The following GLI3 variants were observed in gnomAD, a reference collection of about 807,000 sequenced individuals.
GLI3 encodes the protein GLI family zinc finger 3.
Under a neutral mutation model 100.8 loss-of-function variants are expected in GLI3, and 20 were observed. The observed-to-expected ratio is 0.20, with a 90% CI of 0.14 to 0.29. GLI3 has a LOEUF of 0.29. GLI3 is among the 10% of genes least tolerant of loss of function. GLI3 has a pLI of 1.00. For missense variants in GLI3, 2,040 were observed against 2,128.5 expected, an observed-to-expected ratio of 0.96 and a Z score of 0.82; for synonymous variants, 938 against 860.5, an observed-to-expected ratio of 1.09 and a Z score of -1.58.
intron 10 of GLI3, among the ~76,000 whole-genome samples, chr7:41,988,304 A>G (rs995084089): frequency 2.6e-5 from 4 of 152,116 alleles, no homozygotes; most frequent in Admixed American, 2.0e-4. Context: ...TCTACTAAAA[A>G]TGCAAAAAAT....
chr7:42,239,193 A>G (rs1474702162), upstream of GLI3, among the ~76,000 whole-genome samples: 1 of 152,212 alleles, frequency 6.6e-6, no homozygotes, highest in African/African-American at 2.4e-5. Context: ...CCACTGACTC[A>G]TCGCAGAGAG....
intron 3 of GLI3, among the ~76,000 whole-genome samples, chr7:42,080,766 C>T (rs1290895638): frequency 1.3e-5 from 2 of 152,176 alleles, no homozygotes; most frequent in African/African-American, 4.8e-5. Context: ...ACGTTGAGTA[C>T]TTGCCTTGCT....
At chr7:42,237,310 A>G (rs1788828378), upstream of GLI3, among the ~76,000 whole-genome samples, 3 of 151,604 alleles carry the variant, frequency 2.0e-5, no homozygotes. Context: ...CTGACTCACA[A>G]GCCCTGAGTG....
At chr7:42,210,189 T>C (rs1478191917) in intron 2 of GLI3, among the ~76,000 whole-genome samples, 1 of 152,114 alleles carries the variant, frequency 6.6e-6, no homozygotes, top group Non-Finnish European at 1.5e-5. Context: ...TCGTTGTCAC[T>C]GTGGTCAATG....
chr7:42,242,828 A>C (rs981477291), upstream of GLI3, among the ~76,000 whole-genome samples: 4 of 152,230 alleles, frequency 2.6e-5, no homozygotes, highest in Non-Finnish European at 5.9e-5. Context: ...AGGAATTCTT[A>C]TGAGGAATTT....
At chr7:41,994,621 A>G (rs1200653173) in intron 10 of GLI3, among the ~76,000 whole-genome samples, 2 of 152,080 alleles carry the variant, frequency 1.3e-5, no homozygotes, top group Non-Finnish European at 2.9e-5. Context: ...CTCCTGGGGG[A>G]GGGTGACTTT....
chr7:42,093,472 T>C (rs1785272083), intron 3 of GLI3, among the ~76,000 whole-genome samples: 2 of 150,624 alleles, frequency 1.3e-5, no homozygotes, highest in African/African-American at 4.9e-5. Context: ...GTTACCACAA[T>C]CGTAGACAGT....
At chr7:42,094,394 G>A (rs945701372) in intron 3 of GLI3, among the ~76,000 whole-genome samples, 5 of 152,036 alleles carry the variant, frequency 3.3e-5, no homozygotes, top group African/African-American at 7.2e-5. Flanking sequence ...CTTGAGGTCC[G>A]GAGTTCAAGA....
chr7:42,195,575 T>C (rs1312355786), intron 2 of GLI3, among the ~76,000 whole-genome samples: 3 of 152,210 alleles, frequency 2.0e-5, no homozygotes, highest in African/African-American at 7.2e-5. Context: ...CCCAGCTCTG[T>C]TCCCAATGGT....
At chr7:41,995,161 A>C (rs1788090328) in intron 10 of GLI3, among the ~76,000 whole-genome samples, 1 of 152,232 alleles carries the variant, frequency 6.6e-6, no homozygotes, top group Admixed American at 6.5e-5. Flanking sequence ...CAGGTAACAC[A>C]ACTGCAGTAC....
In GLI3 at chr7:42,215,870, T is replaced by TTCAATTC. The variant is rs1554340837; in HGVS notation, c.124+7259_124+7260insGAATTGA. Among the ~76,000 whole-genome samples the TTCAATTC allele has an allele frequency of 4.1e-3, 615 of 151,132 alleles. 8 individuals are homozygous for TTCAATTC. Among genetic ancestry groups the TTCAATTC allele is most frequent in the African/African-American group, 0.014 (590 of 41,372 alleles). ...GTAAGGATCTCCTATTAGCCAATCC[T>TTCAATTC]TCAATCCTCAATCCTCAATTAGCCA... On this transcript the variant is annotated intron_variant, in intron 2 of 14. Transcript: ENST00000395925.
intron 10 of GLI3, among the ~76,000 whole-genome samples, chr7:42,016,638 T>C (rs938989992): frequency 6.6e-6 from 1 of 152,176 alleles, no homozygotes; most frequent in East Asian, 1.9e-4. Context: ...CACTGGGTAA[T>C]GATGGGAAAC....
At chr7:41,992,704 A>G (rs973859033) in intron 10 of GLI3, among the ~76,000 whole-genome samples, 19 of 152,302 alleles carry the variant, frequency 1.2e-4, no homozygotes, top group African/African-American at 4.3e-4. Context: ...AACAAAGGAC[A>G]CAGTAAATGG....
chr7:42,227,324 G>C (rs200411980), intron 1 of GLI3, among the ~76,000 whole-genome samples: 1 of 140,814 alleles, frequency 7.1e-6, no homozygotes, highest in African/African-American at 2.7e-5. Flanking sequence ...GCTCGGTGAA[G>C]AAAAAAAAAA....
intron 4 of GLI3, among the ~76,000 whole-genome samples, chr7:42,062,558 C>T (rs927601701): frequency 7.9e-5 from 12 of 151,112 alleles, no homozygotes; most frequent in Non-Finnish European, 1.3e-4. Context: ...GAGCCACAAG[C>T]TTCAACACTA....
chr7:42,054,026 G>A (rs913500542), intron 4 of GLI3, among the ~76,000 whole-genome samples: 3 of 152,126 alleles, frequency 2.0e-5, no homozygotes. Flanking sequence ...GGCCCTTTAT[G>A]CTGTTTCTAC....
rs571008801 is a variant in GLI3 at position 41,972,087 on chromosome 7, G to A, written c.2103+250C>T. Among the ~76,000 whole-genome samples, 1 of 152,336 alleles carries A rather than the reference G, an allele frequency of 6.6e-6. No individual in the cohort carries two copies. Among genetic ancestry groups the A allele is most frequent in the Admixed American group, 6.5e-5 (1 of 15,304 alleles). ...ACACGCTGGAGAGACAGACAGTCGT[G>A]TCTTTCTTCCTTCCATGGCACAGTG... On this transcript the variant is annotated intron_variant, in intron 13 of 14. Coordinates refer to ENST00000395925, the MANE Select transcript of GLI3 (RefSeq NM_000168.6). The surrounding 1 kb of genome is among the most constrained non-coding windows in gnomAD (Gnocchi z 4.4).
intron 2 of GLI3, among the ~76,000 whole-genome samples, chr7:42,213,252 T>C (rs1788305912): frequency 6.6e-6 from 1 of 152,220 alleles, no homozygotes; most frequent in South Asian, 2.1e-4. Context: ...CTACTCTACA[T>C]TGGCCAAGAA....
chr7:42,005,720 G>A (rs1408126186), intron 10 of GLI3, among the ~76,000 whole-genome samples: 3 of 152,164 alleles, frequency 2.0e-5, no homozygotes, highest in East Asian at 3.9e-4. Context: ...GGAGGGAAGC[G>A]TATGAAGACA....
Sources: gnomAD v4.1 joint callset for allele counts (sites outside exome capture counted in the v4.1 genomes callset) on GRCh38, gnomAD v4.1.1 for gene constraint, Gnocchi (gnomAD v3.1) non-coding constraint, MANE v1.5 for transcripts, NCBI Gene and HGNC (gene_info 2026-07-23, HGNC 2026-07-21) for gene names.